PTBP2: variants seen among roughly 807,000 people sequenced by gnomAD.
PTBP2 encodes the protein polypyrimidine tract binding protein 2.
A neutral mutation model predicts 61.4 loss-of-function variants in PTBP2; 13 were observed. That is an observed-to-expected ratio of 0.21 (90% CI 0.14 to 0.34). PTBP2 has a LOEUF of 0.34. PTBP2 is among the 10% of genes least tolerant of loss of function. PTBP2 has a pLI of 1.00. For synonymous variants in PTBP2, 215 were observed against 218.5 expected, an observed-to-expected ratio of 0.98 and a Z score of 0.14; for missense variants, 405 against 642.6, an observed-to-expected ratio of 0.63 and a Z score of 4.00.
chr1:96,764,890 G>A (rs1656488295), intron 3 of PTBP2, among the ~76,000 whole-genome samples: 1 of 152,082 alleles, frequency 6.6e-6, no homozygotes, highest in African/African-American at 2.4e-5. Context: ...TGCCTAATAT[G>A]CTTTTGACAA....
intron 7 of PTBP2, among the ~76,000 whole-genome samples, chr1:96,782,611 A>T (rs1426695200): frequency 6.6e-6 from 1 of 152,030 alleles, no homozygotes; most frequent in African/African-American, 2.4e-5. Flanking sequence ...CTGAAGTATT[A>T]CATTAGTATT....
At chr1:96,779,640 A>G (rs1658429098) in intron 7 of PTBP2, among the ~76,000 whole-genome samples, 1 of 152,118 alleles carries the variant, frequency 6.6e-6, no homozygotes, top group African/African-American at 2.4e-5. Context: ...ACAAAGATCT[A>G]AAGTTATAAT....
At chr1:96,782,757 A>G (rs1223566147) in intron 7 of PTBP2, among the ~76,000 whole-genome samples, 1 of 151,992 alleles carries the variant, frequency 6.6e-6, no homozygotes, top group African/African-American at 2.4e-5. Flanking sequence ...AATCTCTTCA[A>G]AAAAGTAAGT....
chr1:96,760,182 A>T (rs996035877), intron 3 of PTBP2, among the ~76,000 whole-genome samples: 2 of 152,178 alleles, frequency 1.3e-5, no homozygotes, highest in East Asian at 3.9e-4. Context: ...GTAAAAAAAA[A>T]ACTCCTCCAA....
intron 3 of PTBP2, among the ~76,000 whole-genome samples, chr1:96,754,902 C>G (rs1654985656): frequency 6.6e-6 from 1 of 151,978 alleles, no homozygotes; most frequent in African/African-American, 2.4e-5. Flanking sequence ...TATAAAATCT[C>G]TAGAAAAAAA....
intron 1 of PTBP2, 64 bp from the exon 2 acceptor site, chr1:96,723,498 TAG>T: frequency 1.4e-6 from 2 of 1,412,688 alleles, no homozygotes; most frequent in Non-Finnish European, 2.0e-6. Context: ...TAAAAAGTTT[TAG>T]AGCCAAAGAG....
intron 3 of PTBP2, among the ~76,000 whole-genome samples, chr1:96,755,429 G>T (rs1312266948): frequency 2.0e-5 from 3 of 152,114 alleles, no homozygotes; most frequent in African/African-American, 7.2e-5. Flanking sequence ...TAGTACTTTG[G>T]AAAACAATCT....
chr1:96,810,898 T>C (rs1363527810), intron 11 of PTBP2, among the ~76,000 whole-genome samples: 1 of 152,190 alleles, frequency 6.6e-6, no homozygotes, highest in African/African-American at 2.4e-5. Flanking sequence ...TTTGCAAGTA[T>C]ATGAAATTAA....
At chr1:96,773,839 T>A (rs1215082821) in intron 5 of PTBP2, among the ~76,000 whole-genome samples, 2 of 151,390 alleles carry the variant, frequency 1.3e-5, no homozygotes, top group Admixed American at 6.6e-5. Context: ...GGCGGGCGCC[T>A]GTAGTCCCAG....
intron 3 of PTBP2, among the ~76,000 whole-genome samples, chr1:96,757,077 A>T (rs1317473546): frequency 6.6e-6 from 1 of 152,098 alleles, no homozygotes; most frequent in Non-Finnish European, 1.5e-5. Context: ...ACCTAAACTT[A>T]CTCTGAAAAA....
At chr1:96,802,970 GA>G (rs941103872) in intron 8 of PTBP2, among the ~76,000 whole-genome samples, 6 of 152,046 alleles carry the variant, frequency 3.9e-5, no homozygotes, top group African/African-American at 9.6e-5. Flanking sequence ...AAGACTGCAA[GA>G]AAAAAAATTG....
downstream of PTBP2, chr1:96,819,850 TG>T (rs1180422447): frequency 6.6e-6 from 1 of 151,678 alleles, no homozygotes; most frequent in Admixed American, 6.6e-5. Context: ...GGAGGGAAAT[TG>T]GTCGAAGAAT....
At chr1:96,722,521 G>A (rs1363804801) in intron 1 of PTBP2, among the ~76,000 whole-genome samples, 1 of 152,054 alleles carries the variant, frequency 6.6e-6, no homozygotes, top group East Asian at 1.9e-4. Context: ...TCTGGTAGTG[G>A]GGGCGGGAGG....
intron 2 of PTBP2, 142 bp from the exon 3 acceptor site, chr1:96,751,283 G>A (rs748150977): frequency 3.9e-4 from 283 of 728,506 alleles, no homozygotes; most frequent in Non-Finnish European, 5.4e-4. Context: ...AGAGTAGAGG[G>A]ATGAAGTTAA....
chr1:96,773,051 G>A (rs905637870), intron 5 of PTBP2, among the ~76,000 whole-genome samples: 3 of 151,204 alleles, frequency 2.0e-5, no homozygotes, highest in Non-Finnish European at 4.4e-5. Context: ...TTGAACCCGG[G>A]GGGGTGGAGC....
chr1:96,736,882 A>T (rs571847206), intron 2 of PTBP2, among the ~76,000 whole-genome samples: 9 of 151,494 alleles, frequency 5.9e-5, no homozygotes. Flanking sequence ...GTCTCGCTGT[A>T]TCGCTTAGGC....
At chr1:96,751,799 T>C (rs971621843) in intron 3 of PTBP2, among the ~76,000 whole-genome samples, 6 of 152,110 alleles carry the variant, frequency 3.9e-5, no homozygotes, top group Non-Finnish European at 8.8e-5. Flanking sequence ...TTTTATTTTG[T>C]TTTTATTTTT....
intron 5 of PTBP2, among the ~76,000 whole-genome samples, chr1:96,776,572 C>T (rs1658070055): frequency 6.6e-6 from 1 of 151,860 alleles, no homozygotes; most frequent in Admixed American, 6.6e-5. Context: ...TATTCTCTTT[C>T]ATTAACCTGT....
intron 3 of PTBP2, among the ~76,000 whole-genome samples, chr1:96,760,377 A>G (rs944625765): frequency 1.3e-4 from 19 of 150,762 alleles, no homozygotes; most frequent in Admixed American, 3.3e-4. Context: ...CCGAATGTTG[A>G]TGAAGATGTG....
Sources: gnomAD v4.1 joint callset for allele counts (sites outside exome capture counted in the v4.1 genomes callset) on GRCh38, gnomAD v4.1.1 for gene constraint, MANE v1.5 for transcripts, NCBI Gene and HGNC (gene_info 2026-07-23, HGNC 2026-07-21) for gene names.